FAM240B: variants seen among roughly 807,000 people sequenced by gnomAD.
FAM240B encodes the protein family with sequence similarity 240 member B, also known as protein FAM240B.
At chr9:38,698,414 TA>T (rs1821090127) in intron 2 of FAM240B, among the ~76,000 whole-genome samples, 1 of 152,254 alleles carries the variant, frequency 6.6e-6, no homozygotes, top group African/African-American at 2.4e-5. Context: ...CACATTTCAT[TA>T]TTATTCTCTG....
intron 2 of FAM240B, among the ~76,000 whole-genome samples, chr9:38,696,025 G>A (rs773503186): frequency 7.9e-5 from 12 of 152,166 alleles, no homozygotes; most frequent in African/African-American, 1.4e-4. Context: ...CAGTCTGAAC[G>A]TGTGTGTTTC....
chr9:38,716,376 G>A (rs1268949460), intron 1 of FAM240B, among the ~76,000 whole-genome samples: 2 of 152,190 alleles, frequency 1.3e-5, no homozygotes, highest in East Asian at 3.9e-4. Flanking sequence ...GGAGGCTGAG[G>A]CAGGAGAATC....
intron 1 of FAM240B, among the ~76,000 whole-genome samples, chr9:38,711,899 G>A (rs985781335): frequency 2.6e-5 from 4 of 151,852 alleles, no homozygotes; most frequent in South Asian, 2.1e-4. Flanking sequence ...CTCGTGATCC[G>A]CCCGTCTCGG....
intron 1 of FAM240B, among the ~76,000 whole-genome samples, chr9:38,719,286 C>T (rs1192478027): frequency 6.6e-6 from 1 of 150,946 alleles, no homozygotes; most frequent in South Asian, 2.1e-4. Flanking sequence ...CAGTGTACAT[C>T]TCTTGAGAGG....
At chr9:38,697,309 TG>T (rs1444378147) in intron 2 of FAM240B, among the ~76,000 whole-genome samples, 1 of 152,210 alleles carries the variant, frequency 6.6e-6, no homozygotes, top group Non-Finnish European at 1.5e-5. Flanking sequence ...TGACTGGGCA[TG>T]GCCGTGGTAT....
chr9:38,701,242 G>A (rs1030118896), intron 2 of FAM240B, among the ~76,000 whole-genome samples: 1 of 152,134 alleles, frequency 6.6e-6, no homozygotes, highest in Non-Finnish European at 1.5e-5. Flanking sequence ...GTGGAATAGG[G>A]ACTCAGGGGT....
At chr9:38,706,055 AC>A (rs1310201914) in intron 1 of FAM240B, among the ~76,000 whole-genome samples, 19 of 152,278 alleles carry the variant, frequency 1.2e-4, no homozygotes, top group African/African-American at 4.6e-4. Flanking sequence ...ACACACAGCT[AC>A]GTGAGGGCCA....
intron 2 of FAM240B, among the ~76,000 whole-genome samples, chr9:38,702,969 T>C (rs1821147962): frequency 6.6e-6 from 1 of 152,340 alleles, no homozygotes; most frequent in South Asian, 2.1e-4. Context: ...AGTCATTGGT[T>C]CTCAATCGGG....
intron 2 of FAM240B, among the ~76,000 whole-genome samples, chr9:38,696,610 C>T (rs1022238604): frequency 6.6e-6 from 1 of 152,098 alleles, no homozygotes; most frequent in Admixed American, 6.5e-5. Context: ...AAGATCGAGA[C>T]CATCCTGGCT....
At position 38,703,991 on chromosome 9, in the gene FAM240B, A is replaced by T. The variant is rs1214793890; in HGVS notation, c.9T>A (p.Asn3Lys). ...AGAAGACTTCTCGACGGATGTATTG[A>T]TTGTTCATCCCCTGAAATATACAAG... MN[N>K]QYIRREVFCC... The change falls in exon 2 of 3, where the codon AAT (asparagine) becomes AAA (lysine). Residue 3 changes from asparagine to lysine, a missense_variant. By Grantham distance (94) the Asn-to-Lys change is moderately conservative (BLOSUM62 0). Coordinates refer to ENST00000637493, the MANE Select transcript of FAM240B (RefSeq NM_001394922.1). The T allele has an allele frequency of 7.6e-6, 3 of 396,098 alleles. No homozygotes were observed. The highest frequency in any genetic ancestry group is 8.9e-6 in the Non-Finnish European group (2 of 223,964). 24.5% of individuals were successfully genotyped at this position (396,098 alleles called of 1,614,324 possible).
chr9:38,710,557 G>A (rs151255792), intron 1 of FAM240B, among the ~76,000 whole-genome samples: 1 of 152,164 alleles, frequency 6.6e-6, no homozygotes, highest in Non-Finnish European at 1.5e-5. Flanking sequence ...CTCATGGGTA[G>A]AGGGCAATAG....
At chr9:38,698,212 C>T (rs1821088023) in intron 2 of FAM240B, among the ~76,000 whole-genome samples, 1 of 152,148 alleles carries the variant, frequency 6.6e-6, no homozygotes, top group South Asian at 2.1e-4. Context: ...GTAGCTAATA[C>T]ATTATAAATA....
chr9:38,695,814 A>G (rs1457285449), intron 2 of FAM240B, among the ~76,000 whole-genome samples: 1 of 152,274 alleles, frequency 6.6e-6, no homozygotes, highest in Admixed American at 6.5e-5. Flanking sequence ...ACATAAAGTT[A>G]CCATCATCAA....
At chr9:38,715,491 G>GTT (rs1386095636) in intron 1 of FAM240B, among the ~76,000 whole-genome samples, 1 of 152,166 alleles carries the variant, frequency 6.6e-6, no homozygotes, top group African/African-American at 2.4e-5. Context: ...GTCCTGGTGT[G>GTT]TTTAGAAGGC....
intron 1 of FAM240B, among the ~76,000 whole-genome samples, chr9:38,712,537 C>T (rs1051606776): frequency 1.2e-4 from 19 of 152,166 alleles, no homozygotes; most frequent in East Asian, 1.2e-3. Context: ...TATTCGTGAG[C>T]GAGAAAGTGA....
intron 2 of FAM240B, among the ~76,000 whole-genome samples, chr9:38,703,297 G>A (rs941418329): frequency 3.9e-5 from 6 of 152,184 alleles, no homozygotes; most frequent in Admixed American, 2.6e-4. Flanking sequence ...ATAGCAAAAG[G>A]CTTGGCCAAT....
rs190524623 is a variant in FAM240B at position 38,719,336 on chromosome 9, A to C, written c.-4+686T>G. Among the ~76,000 whole-genome samples, 159 of 152,266 alleles carry C rather than the reference A, an allele frequency of 1.0e-3. 1 individual carries two copies. Among genetic ancestry groups the C allele is most frequent in the African/African-American group, 3.6e-3 (148 of 41,546 alleles). ...CAGTAAAATGTTACCAATTTGGAAA[A>C]GTCATAATTCCAACAGCAGTTCTTA... On this transcript the variant is annotated intron_variant, in intron 1 of 2. Transcript: ENST00000637493.
chr9:38,717,574 G>A (rs1183211074), intron 1 of FAM240B, among the ~76,000 whole-genome samples: 1 of 152,112 alleles, frequency 6.6e-6, no homozygotes, highest in Non-Finnish European at 1.5e-5. Context: ...TCCGCCTCCC[G>A]GGTTCACGCC....
intron 1 of FAM240B, among the ~76,000 whole-genome samples, chr9:38,712,386 G>T (rs1007283027): frequency 3.9e-5 from 6 of 152,200 alleles, no homozygotes; most frequent in Non-Finnish European, 8.8e-5. Context: ...AGCATGAAAA[G>T]TACTTAACAT....
Sources: gnomAD v4.1 joint callset for allele counts (sites outside exome capture counted in the v4.1 genomes callset) on GRCh38, gnomAD v4.1.1 for gene constraint, MANE v1.5 for transcripts, NCBI Gene and HGNC (gene_info 2026-07-23, HGNC 2026-07-21) for gene names.